SMARCA2: variants seen among roughly 807,000 people sequenced by gnomAD.
SMARCA2 encodes SWI/SNF-related matrix-associated actin-dependent regulator of chromatin subfamily A member 2.
A neutral mutation model predicts 199.8 loss-of-function variants in SMARCA2; 61 were observed. That is an observed-to-expected ratio of 0.31 (90% CI 0.25 to 0.38). The LOEUF is 0.38. SMARCA2 is among the 10% of genes least tolerant of loss of function. SMARCA2 has a pLI of 1.00. For synonymous variants in SMARCA2, 935 were observed against 732.0 expected, an observed-to-expected ratio of 1.28 and a Z score of -4.48; for missense variants, 1,344 against 2,012.2, an observed-to-expected ratio of 0.67 and a Z score of 6.35.
At chr9:2,149,926 C>G (rs1174930938) in intron 27 of SMARCA2, among the ~76,000 whole-genome samples, 4 of 151,526 alleles carry the variant, frequency 2.6e-5, no homozygotes, top group Non-Finnish European at 5.9e-5. Context: ...AGCATACAGA[C>G]TAGATCTGAA....
rs59156319 is a variant in SMARCA2, at chr9:2,155,720, CTTTTTTTTTTTTTTT to C, written c.3982-5942_3982-5928del. Reference sequence around the variant, plus strand: ...TATGGCATATGGGGAAAGAGAAAACCTTTTTTTTTTTTTTTTTTTTTTTTTTTTTTTTTTTTTTCA... The same window carrying C: ...TATGGCATATGGGGAAAGAGAAAACCTTTTTTTTTTTTTTTTTTTTTTTCA... On this transcript the variant is annotated intron_variant, in intron 27 of 33. Transcript: ENST00000349721. Among the ~76,000 whole-genome samples the C allele has an allele frequency of 3.0e-3, 158 of 53,180 alleles. 1 individual carries two copies. The highest frequency in any genetic ancestry group is 0.016 in the East Asian group (21 of 1,318). The allele number at this position is 53,180 out of a possible 152,430, so 34.9% of individuals were successfully genotyped here. A position where few individuals can be genotyped will look rare whatever the true frequency, so the allele number is the denominator to read the frequency against.
chr9:2,170,526 G>T lies in SMARCA2; in HGVS notation c.4253+54G>T. ...TCTAAATACAGGTATCCCTCGTTAC[G>T]TGAAACAGATTGAATCATATAATCG... On this transcript the variant is annotated intron_variant, in intron 29 of 33. Coordinates refer to ENST00000349721, the MANE Select transcript of SMARCA2 (RefSeq NM_003070.5). The surrounding 1 kb of genome is among the most constrained non-coding windows in gnomAD (Gnocchi z 4.7). 1 of 1,612,912 alleles carries T rather than the reference G, an allele frequency of 6.2e-7. No homozygotes were observed. The highest frequency in any genetic ancestry group is 8.5e-7 in the Non-Finnish European group (1 of 1,179,376).
intron 31 of SMARCA2, among the ~76,000 whole-genome samples, chr9:2,182,635 C>T (rs549173324): frequency 2.0e-5 from 3 of 151,300 alleles, no homozygotes; most frequent in East Asian, 2.0e-4. Flanking sequence ...CCTGGGATTA[C>T]AGGCACCCAC....
intron 21 of SMARCA2, among the ~76,000 whole-genome samples, chr9:2,101,018 T>TA (rs1364994567): frequency 1.3e-5 from 2 of 152,018 alleles, no homozygotes; most frequent in African/African-American, 2.4e-5. Flanking sequence ...TCGTGAGACT[T>TA]ATTCACAACC....
intron 18 of SMARCA2, among the ~76,000 whole-genome samples, chr9:2,087,812 T>G (rs1821865488): frequency 6.6e-6 from 1 of 152,228 alleles, no homozygotes; most frequent in South Asian, 2.1e-4. Flanking sequence ...CCTTTGATGT[T>G]GAGGCACATG....
chr9:2,173,528 G>A (rs1826372722), intron 29 of SMARCA2, among the ~76,000 whole-genome samples: 1 of 152,172 alleles, frequency 6.6e-6, no homozygotes, highest in South Asian at 2.1e-4. Flanking sequence ...TTAGGTGTAG[G>A]TGAAGCACCT....
intron 21 of SMARCA2, among the ~76,000 whole-genome samples, chr9:2,101,289 A>G (rs557088390): frequency 9.2e-5 from 14 of 152,202 alleles, no homozygotes; most frequent in African/African-American, 3.4e-4. Context: ...TGGCTCCGCT[A>G]TGGGCCAGTG....
At chr9:2,128,398 C>A (rs7858597) in intron 27 of SMARCA2, among the ~76,000 whole-genome samples, 1 of 152,088 alleles carries the variant, frequency 6.6e-6, no homozygotes, top group Non-Finnish European at 1.5e-5. Flanking sequence ...TCATAAGACC[C>A]CTGGCCTCTT....
chr9:2,095,958 T>G (rs3793490), intron 19 of SMARCA2, among the ~76,000 whole-genome samples: 38,037 of 152,198 alleles, frequency 0.25, 7,233 homozygotes, highest in African/African-American at 0.53. Context: ...CGCAGGTGTG[T>G]GATAAACCAT....
chr9:2,135,814 ATTACAG>A (rs1824169409), intron 27 of SMARCA2, among the ~76,000 whole-genome samples: 2 of 151,904 alleles, frequency 1.3e-5, no homozygotes, highest in South Asian at 4.1e-4. Context: ...AAGTGCTGGG[ATTACAG>A]GTGTGAGCCA....
intron 27 of SMARCA2, among the ~76,000 whole-genome samples, chr9:2,149,142 T>G (rs867631778): frequency 6.6e-6 from 1 of 151,230 alleles, no homozygotes; most frequent in Non-Finnish European, 1.5e-5. Context: ...TCCACATGGC[T>G]GGGGAGGCCT....
Position 2,060,974 on chromosome 9 carries a change from G to T in SMARCA2, c.1680G>T (p.Arg560Ser). The T allele has an allele frequency of 6.2e-7, 1 of 1,613,786 alleles. No homozygotes were observed. Among genetic ancestry groups the T allele is most frequent in the Non-Finnish European group, 8.5e-7 (1 of 1,179,800 alleles). The stretch of plus-strand genomic sequence containing the variant: ...CAGCCAAAGAGAAGAAGAAGAGGAG[G>T]AGGAGGAAGAAGGTGCGTATCCTAG... Reference protein sequence around the residue: ...AQAAKEKKKRRRRKKKAEENA... With the variant: ...AQAAKEKKKRSRRKKKAEENA... Residue 560 changes from arginine to serine, a missense_variant, in exon 9 of 34, where the codon AGG (arginine) becomes AGT (serine). Physicochemically the swap from Arg to Ser is moderately radical, Grantham distance 110. Transcript: ENST00000349721.
chr9:2,191,279 G>A lies in SMARCA2; in HGVS notation c.4608G>A (p.Lys1536=), dbSNP rs549166022. 6.2e-7 allele frequency: 1 copy of A among 1,614,022 alleles called. No individual in the cohort carries two copies. The highest frequency in any genetic ancestry group is 8.5e-7 in the Non-Finnish European group (1 of 1,179,974). The change falls in exon 33 of 34, where the codon AAG becomes AAA. Residue 1536 remains lysine (K), a synonymous_variant. Coordinates refer to ENST00000349721, the MANE Select transcript of SMARCA2 (RefSeq NM_003070.5). The part of the protein sequence containing the change: ...EESESEAKSV[K]VKIKLNKKDD... The stretch of plus-strand genomic sequence containing the variant: ...CTTTGGTTTTAGCAAAATCAGTCAA[G>A]GTGAAAATTAAGCTCAATAAAAAAG...
intron 27 of SMARCA2, among the ~76,000 whole-genome samples, chr9:2,141,700 C>T (rs370891691): frequency 1.2e-3 from 177 of 151,988 alleles, no homozygotes; most frequent in African/African-American, 4.1e-3. Context: ...TTGTGTGGCC[C>T]TCCCTTGAGC....
intron 16 of SMARCA2, 76 bp downstream of exon 16, chr9:2,083,489 T>A: frequency 1.1e-6 from 1 of 870,062 alleles, no homozygotes; most frequent in Non-Finnish European, 1.9e-6. Flanking sequence ...CATATGCACA[T>A]CTGTGAACTG....
intron 31 of SMARCA2, among the ~76,000 whole-genome samples, chr9:2,185,500 G>A (rs937324649): frequency 3.3e-5 from 5 of 152,282 alleles, no homozygotes; most frequent in Non-Finnish European, 5.9e-5. Flanking sequence ...TTTTCAAGAC[G>A]CCTCTTGTGA....
intron 4 of SMARCA2, among the ~76,000 whole-genome samples, chr9:2,046,553 A>C (rs779498895): frequency 7.2e-5 from 11 of 152,330 alleles, no homozygotes; most frequent in Non-Finnish European, 1.6e-4. Flanking sequence ...AATATGCTTT[A>C]TAGGCCTTAA....
At chr9:2,096,968 A>G in intron 20 of SMARCA2, 1 of 560,940 alleles carries the variant, frequency 1.8e-6, no homozygotes. Context: ...GAATATGTTC[A>G]TATTACCAAA....
At chr9:2,168,026 T>C (rs956091400) in intron 28 of SMARCA2, among the ~76,000 whole-genome samples, 1 of 142,350 alleles carries the variant, frequency 7.0e-6, no homozygotes, top group Admixed American at 6.8e-5. Context: ...GAGCTTTTTT[T>C]CTTTTTCTTT....
Sources: gnomAD v4.1 joint callset for allele counts (sites outside exome capture counted in the v4.1 genomes callset) on GRCh38, gnomAD v4.1.1 for gene constraint, Gnocchi (gnomAD v3.1) non-coding constraint, MANE v1.5 for transcripts, NCBI Gene and HGNC (gene_info 2026-07-23, HGNC 2026-07-21) for gene names.